DLGAP2: variants seen among roughly 807,000 people sequenced by gnomAD.
The protein encoded by DLGAP2 is DLG associated protein 2.
Under a neutral mutation model 100.3 loss-of-function variants are expected in DLGAP2, and 26 were observed. The ratio of observed to expected loss-of-function variants is 0.26; its 90% CI spans 0.19 to 0.36. The LOEUF is 0.36. Ranked by LOEUF, DLGAP2 falls within the 10% of genes least tolerant of loss-of-function variation. The pLI, the probability that DLGAP2 is intolerant of heterozygous loss-of-function variation, is 1.00. For synonymous variants in DLGAP2, 886 were observed against 630.1 expected (o/e 1.41, Z -6.08); for missense variants, 1,858 against 1,453.2 (o/e 1.28, Z -4.53).
At chr8:1,389,718 C>G (rs1315766883) in intron 3 of DLGAP2, among the ~76,000 whole-genome samples, 1 of 152,146 alleles carries the variant, frequency 6.6e-6, no homozygotes, top group Non-Finnish European at 1.5e-5. Flanking sequence ...CCAAGGACAG[C>G]TGTTTTCCAG....
chr8:809,196 C>T (rs530629035), intron 1 of DLGAP2, among the ~76,000 whole-genome samples: 5 of 152,280 alleles, frequency 3.3e-5, no homozygotes, highest in African/African-American at 9.6e-5. Context: ...TGAGCCACTG[C>T]GCCCGGCCAA....
chr8:1,033,425 G>C (rs1354030733), intron 2 of DLGAP2, among the ~76,000 whole-genome samples: 5 of 152,196 alleles, frequency 3.3e-5, no homozygotes, highest in Admixed American at 3.3e-4. Flanking sequence ...CCAGCACTTT[G>C]AGGGGCTGAG....
At chr8:925,587 C>A (rs558824792) in intron 2 of DLGAP2, among the ~76,000 whole-genome samples, 1 of 152,146 alleles carries the variant, frequency 6.6e-6, no homozygotes, top group Non-Finnish European at 1.5e-5. Context: ...ACCCTGTGGG[C>A]TTTGCAGGTG....
At chr8:1,133,135 A>AC (rs1405030783) in intron 2 of DLGAP2, among the ~76,000 whole-genome samples, 1 of 152,196 alleles carries the variant, frequency 6.6e-6, no homozygotes, top group South Asian at 2.1e-4. Flanking sequence ...TCTCTGGAGC[A>AC]TTAGCTTCCT....
At chr8:1,126,841 T>C (rs372682781) in intron 2 of DLGAP2, among the ~76,000 whole-genome samples, 90 of 151,924 alleles carry the variant, frequency 5.9e-4, no homozygotes, top group African/African-American at 2.0e-3. Context: ...CCCATTGTGG[T>C]GCAGATGAGG....
chr8:1,293,749 G>A (rs987276144), intron 3 of DLGAP2, among the ~76,000 whole-genome samples: 2 of 152,102 alleles, frequency 1.3e-5, no homozygotes, highest in African/African-American at 2.4e-5. Flanking sequence ...TTAACATTTC[G>A]GAGCTGGGGC....
At chr8:745,993 G>C (rs1585816735) in intron 1 of DLGAP2, among the ~76,000 whole-genome samples, 1 of 152,316 alleles carries the variant, frequency 6.6e-6, no homozygotes, top group South Asian at 2.1e-4. Flanking sequence ...GGCCTGCTCA[G>C]GCCAGCCAAG....
chr8:1,576,016 A>C (rs1802959572), intron 6 of DLGAP2, among the ~76,000 whole-genome samples: 1 of 152,118 alleles, frequency 6.6e-6, no homozygotes, highest in Non-Finnish European at 1.5e-5. Flanking sequence ...TGGTATTTCT[A>C]GTTCTAGATC....
At chr8:1,185,667 G>A (rs991567800) in intron 2 of DLGAP2, among the ~76,000 whole-genome samples, 6 of 151,876 alleles carry the variant, frequency 4.0e-5, no homozygotes, top group Non-Finnish European at 8.8e-5. Flanking sequence ...CAAGGCTAGT[G>A]GAAGAACAAT....
chr8:1,221,573 C>G (rs1226351501), intron 2 of DLGAP2, among the ~76,000 whole-genome samples: 1 of 151,936 alleles, frequency 6.6e-6, no homozygotes. Flanking sequence ...ACTATGTGTC[C>G]TGGGGATTGT....
intron 1 of DLGAP2, among the ~76,000 whole-genome samples, chr8:821,825 G>T (rs1796588206): frequency 6.6e-6 from 1 of 152,192 alleles, no homozygotes; most frequent in African/African-American, 2.4e-5. Flanking sequence ...TTCAAATCCT[G>T]CTTTAGAATG....
intron 6 of DLGAP2, among the ~76,000 whole-genome samples, chr8:1,593,716 C>T (rs973902049): frequency 1.2e-4 from 18 of 152,108 alleles, no homozygotes; most frequent in African/African-American, 1.7e-4. Context: ...TGGCCTCTGA[C>T]CTGCAAGCAT....
rs535420798 is a variant in DLGAP2, at chr8:1,149,785, A to G, written c.74-109066A>G. On this transcript the variant is annotated intron_variant, in intron 2 of 14. Transcript: ENST00000637795. ...GTATTGACCTAGATTTATCTTTTTT[A>G]TTCCACATTTTCCTCTCTTGACTCG... is the stretch of plus-strand genomic sequence containing the variant. 3.9e-5 allele frequency among the ~76,000 whole-genome samples: 6 copies of G among 152,036 alleles called. No individual in the cohort carries two copies. The South Asian group carries it at 1.2e-3, about 32-fold the overall frequency.
intron 6 of DLGAP2, among the ~76,000 whole-genome samples, chr8:1,569,845 G>A (rs531873524): frequency 6.6e-6 from 1 of 152,012 alleles, no homozygotes; most frequent in Admixed American, 6.5e-5. Context: ...TTCTGCGGAG[G>A]GCAGGATAGA....
intron 3 of DLGAP2, among the ~76,000 whole-genome samples, chr8:1,344,008 T>G (rs185993270): frequency 6.6e-6 from 1 of 152,058 alleles, no homozygotes; most frequent in Non-Finnish European, 1.5e-5. Flanking sequence ...AACGTCCTAT[T>G]CACAGATGTT....
intron 2 of DLGAP2, among the ~76,000 whole-genome samples, chr8:966,233 G>A (rs573471146): frequency 4.6e-5 from 7 of 152,304 alleles, no homozygotes; most frequent in South Asian, 2.1e-4. Flanking sequence ...TCCAGGCAGC[G>A]TTTTCCCAGG....
chr8:1,136,504 C>A (rs996860798), intron 2 of DLGAP2, among the ~76,000 whole-genome samples: 49 of 152,196 alleles, frequency 3.2e-4, no homozygotes, highest in African/African-American at 1.2e-3. Flanking sequence ...ATAATCAAAG[C>A]TTCCTTCGTG....
chr8:1,215,277 C>A (rs1798190946), intron 2 of DLGAP2, among the ~76,000 whole-genome samples: 1 of 152,212 alleles, frequency 6.6e-6, no homozygotes, highest in East Asian at 1.9e-4. Context: ...TAATGTGTTA[C>A]TAATTGTCTT....
At chr8:1,193,537 C>G (rs115217519) in intron 2 of DLGAP2, among the ~76,000 whole-genome samples, 3,796 of 152,254 alleles carry the variant, frequency 0.025, 181 homozygotes, top group African/African-American at 0.088. Flanking sequence ...CGCTGAAATC[C>G]ACAGATGGCA....
Sources: gnomAD v4.1 joint callset for allele counts (sites outside exome capture counted in the v4.1 genomes callset) on GRCh38, gnomAD v4.1.1 for gene constraint, MANE v1.5 for transcripts, NCBI Gene and HGNC (gene_info 2026-07-23, HGNC 2026-07-21) for gene names.